Variants in CCDC85C observed in about 807,000 individuals in gnomAD.
CCDC85C encodes the protein coiled-coil domain-containing protein 85C.
A neutral mutation model predicts 38.3 loss-of-function variants in CCDC85C; 18 were observed. The observed-to-expected ratio is 0.47, with a 90% confidence interval of 0.33 to 0.70. The LOEUF is 0.70. CCDC85C is among the 30% of genes least tolerant of loss of function. The pLI is 0.03. For synonymous variants in CCDC85C, 264 were observed against 293.8 expected, an observed-to-expected ratio of 0.90 and a Z score of 1.04; for missense variants, 566 against 621.2, an observed-to-expected ratio of 0.91 and a Z score of 0.94.
At chr14:99,582,686 C>T (rs1040968481) in intron 1 of CCDC85C, among the ~76,000 whole-genome samples, 6 of 152,090 alleles carry the variant, frequency 3.9e-5, no homozygotes, top group African/African-American at 7.2e-5. Flanking sequence ...TGGTGGCGCA[C>T]GCCTGTAATC....
rs574010234 is a variant in CCDC85C at position 99,540,380 on chromosome 14, C to T, written c.794-4292G>A. Among the ~76,000 whole-genome samples the T allele has an allele frequency of 1.5e-4, 23 of 152,292 alleles. No individual in the cohort carries two copies. The East Asian group carries it at 2.7e-3, about 18-fold the overall frequency. Reference sequence around the variant, plus strand: ...CAAGAGTGATCTGGGCACTCCCAGGCGGGGGCTGGAGGGCAGGAGACCCCG... The same window carrying T: ...CAAGAGTGATCTGGGCACTCCCAGGTGGGGGCTGGAGGGCAGGAGACCCCG... On this transcript the variant is annotated intron_variant, in intron 1 of 5. Transcript: ENST00000380243.
In CCDC85C at chr14:99,516,970, A is replaced by C; in HGVS notation, c.1071+118T>G. 1.1e-6 allele frequency: 1 copy of C among 940,078 alleles called. No individual in the cohort carries two copies. The highest frequency in any genetic ancestry group is 2.6e-5 in the East Asian group (1 of 38,120). 58.2% of individuals were successfully genotyped at this position (940,078 alleles called of 1,614,324 possible). On this transcript the variant is annotated intron_variant, in intron 4 of 5. Transcript: ENST00000380243. This position sits in a 1 kb window ranked among gnomAD's most constrained non-coding sequence, Gnocchi z 5.5. Reference sequence around the variant, plus strand: ...GGCAGCCATGGTCACCCAGCCACCCACACACAGATGAAACCTCCCACCCCT... The same window carrying C: ...GGCAGCCATGGTCACCCAGCCACCCCCACACAGATGAAACCTCCCACCCCT...
Position 99,552,160 on chromosome 14 carries a change from C to T in CCDC85C, c.794-16072G>A, listed in dbSNP as rs183923437. Among the ~76,000 whole-genome samples the T allele has an allele frequency of 7.3e-3, 1,111 of 152,252 alleles. 3 individuals are homozygous for T. The highest frequency in any genetic ancestry group is 0.011 in the Non-Finnish European group (716 of 68,006). On this transcript the variant is annotated intron_variant, in intron 1 of 5. Coordinates refer to ENST00000380243, the MANE Select transcript of CCDC85C (RefSeq NM_001144995.2). ...GCTCCTCCCAGGCCCGGCTAGCCTG[C>T]GCCCCAAAAAGCCCCAAGGTTGATC...
At chr14:99,515,672 C>T (rs866607505) in intron 5 of CCDC85C, among the ~76,000 whole-genome samples, 10 of 152,112 alleles carry the variant, frequency 6.6e-5, no homozygotes, top group African/African-American at 2.2e-4. Context: ...TATGAAACTC[C>T]TTCCCCGATG....
rs1051856324 is a variant in CCDC85C, at chr14:99,580,459, T to A, written c.793+22708A>T. Among the ~76,000 whole-genome samples, 16 of 102,592 alleles carry A rather than the reference T, an allele frequency of 1.6e-4. No homozygotes were observed. In the East Asian group the frequency reaches 3.1e-3, roughly 20 times the overall value. 67.3% of individuals were successfully genotyped at this position (102,592 alleles called of 152,430 possible). On this transcript the variant is annotated intron_variant, in intron 1 of 5. Transcript: ENST00000380243. ...CCACAGGCTGGAGACATGAGGGACG[T>A]CCCCAGTGAGGGGAGGGGGGGAAGG...
At chr14:99,554,553 G>A (rs1029394383) in intron 1 of CCDC85C, among the ~76,000 whole-genome samples, 3 of 152,194 alleles carry the variant, frequency 2.0e-5, no homozygotes, top group Admixed American at 6.5e-5. Flanking sequence ...GCTCCAAGCA[G>A]GTGACAGCAG....
At chr14:99,551,773 T>C (rs1043684838) in intron 1 of CCDC85C, among the ~76,000 whole-genome samples, 1 of 151,948 alleles carries the variant, frequency 6.6e-6, no homozygotes, top group African/African-American at 2.4e-5. Context: ...AGCAGGCAGG[T>C]GAGTGCAGGC....
intron 1 of CCDC85C, among the ~76,000 whole-genome samples, chr14:99,595,177 T>C (rs1199556827): frequency 6.6e-6 from 1 of 152,220 alleles, no homozygotes; most frequent in Non-Finnish European, 1.5e-5. Flanking sequence ...TCACCCCAGC[T>C]GAACCCAAGG....
chr14:99,602,219 G>A (rs914048736), intron 1 of CCDC85C, among the ~76,000 whole-genome samples: 1 of 152,214 alleles, frequency 6.6e-6, no homozygotes, highest in African/African-American at 2.4e-5. Flanking sequence ...GCAGGGAGCA[G>A]AAGGGCTGAG....
intron 1 of CCDC85C, among the ~76,000 whole-genome samples, chr14:99,562,745 ACATG>A (rs2139951357): frequency 8.9e-6 from 1 of 112,608 alleles, no homozygotes; most frequent in East Asian, 2.6e-4. Flanking sequence ...CCTCACACAC[ACATG>A]CATGCACACA....
In CCDC85C at chr14:99,542,960, C is replaced by T. The variant is rs187271122; in HGVS notation, c.794-6872G>A. ...TCTTCTCGAGGGACTTGGGAGATACCGCAACTCCAGGCCTGCCTACTCCCT... is the reference window on the plus strand; with the variant it reads ...TCTTCTCGAGGGACTTGGGAGATACTGCAACTCCAGGCCTGCCTACTCCCT... On this transcript the variant is annotated intron_variant, in intron 1 of 5. Coordinates refer to ENST00000380243, the MANE Select transcript of CCDC85C (RefSeq NM_001144995.2). Among the ~76,000 whole-genome samples, 19 of 152,278 alleles carry T rather than the reference C, an allele frequency of 1.2e-4. No homozygotes were observed. In the East Asian group the frequency reaches 2.3e-3, roughly 19 times the overall value.
chr14:99,539,452 AGAGT>A (rs1166791988), intron 1 of CCDC85C, among the ~76,000 whole-genome samples: 1 of 144,748 alleles, frequency 6.9e-6, no homozygotes, highest in African/African-American at 2.6e-5. Flanking sequence ...CCTGGGTGAC[AGAGT>A]GAGACTCCAT....
rs1858436437 is a variant in CCDC85C, at chr14:99,533,907, G to A, written c.867+2108C>T. 6.6e-6 allele frequency among the ~76,000 whole-genome samples: 1 copy of A among 152,244 alleles called. No individual in the cohort carries two copies. Among genetic ancestry groups the A allele is most frequent in the African/African-American group, 2.4e-5 (1 of 41,482 alleles). On this transcript the variant is annotated intron_variant, in intron 2 of 5. Transcript: ENST00000380243. The surrounding 1 kb of genome is among the most constrained non-coding windows in gnomAD (Gnocchi z 4.2). The stretch of plus-strand genomic sequence containing the variant: ...TCCTCCACAGCCCGCTTGGGCGCAG[G>A]TTTTCTGCAAGTCCGTGGTCAGGAA...
At chr14:99,602,959 A>G (rs890692928) in intron 1 of CCDC85C, among the ~76,000 whole-genome samples, 2 of 152,108 alleles carry the variant, frequency 1.3e-5, no homozygotes, top group Admixed American at 6.5e-5. Context: ...GGACAAAAAG[A>G]CGCTCCACCA....
chr14:99,587,655 G>T (rs1012048844), intron 1 of CCDC85C, among the ~76,000 whole-genome samples: 3 of 152,210 alleles, frequency 2.0e-5, no homozygotes, highest in Non-Finnish European at 2.9e-5. Flanking sequence ...GGCCTGGCGT[G>T]GGGGAGAGGC....
chr14:99,526,717 T>C (rs1325416792), intron 2 of CCDC85C, among the ~76,000 whole-genome samples: 1 of 152,156 alleles, frequency 6.6e-6, no homozygotes, highest in Non-Finnish European at 1.5e-5. Flanking sequence ...GCGTAATCAA[T>C]GGTCTGGGTG....
chr14:99,504,349 A>T lies in CCDC85C; in HGVS notation c.*10897T>A, dbSNP rs1281531911. 6.7e-6 allele frequency: 1 copy of T among 149,584 alleles called. No homozygotes were observed. Among genetic ancestry groups the T allele is most frequent in the Admixed American group, 6.7e-5 (1 of 14,944 alleles). The allele number at this position is 149,584 out of a possible 1,614,324, so 9.3% of individuals were successfully genotyped here. Reference sequence around the variant, plus strand: ...TCTTAGAACCATGTTCTCGGTTCTTAGTTCCATTCATTAAACTGCTGTGAA... The same window carrying T: ...TCTTAGAACCATGTTCTCGGTTCTTTGTTCCATTCATTAAACTGCTGTGAA... On this transcript the variant is annotated 3_prime_UTR_variant, in exon 6 of 6. Coordinates refer to ENST00000380243, the MANE Select transcript of CCDC85C (RefSeq NM_001144995.2).
chr14:99,540,837 G>C (rs80328521), intron 1 of CCDC85C, among the ~76,000 whole-genome samples: 1 of 152,268 alleles, frequency 6.6e-6, no homozygotes, highest in Non-Finnish European at 1.5e-5. Flanking sequence ...GCAGCATGGT[G>C]GGGGGAGTCA....
chr14:99,580,097 A>C (rs1221643489), intron 1 of CCDC85C: 10 of 455,580 alleles, frequency 2.2e-5, no homozygotes, highest in South Asian at 1.4e-4. Flanking sequence ...ACCTTCCAGG[A>C]ATTCGGTCAG....
Sources: allele counts gnomAD v4.1 joint callset (sites outside exome capture counted in the v4.1 genomes callset), GRCh38; gene constraint gnomAD v4.1.1; non-coding constraint Gnocchi (gnomAD v3.1); transcripts MANE v1.5; gene names NCBI Gene and HGNC (gene_info 2026-07-23, HGNC 2026-07-21).